CFAP210: variants seen among roughly 807,000 people sequenced by gnomAD.
CFAP210 encodes the protein cilia and flagella associated protein 210.
At chr2:169,666,397 C>T in the CFAP210 span, among the ~76,000 whole-genome samples, 1 of 150,026 alleles carries the variant, frequency 6.7e-6, no homozygotes. Context: ...ATATTGTGGG[C>T]TTGGTTCCAA....
chr2:169,666,994 T>C, the CFAP210 span, among the ~76,000 whole-genome samples: 2 of 152,150 alleles, frequency 1.3e-5, no homozygotes, highest in Non-Finnish European at 2.9e-5. Context: ...CTAGTTATCT[T>C]GCTATTGACA....
the CFAP210 span, among the ~76,000 whole-genome samples, chr2:169,687,696 C>A: frequency 1.3e-5 from 2 of 152,162 alleles, no homozygotes; most frequent in South Asian, 2.1e-4. Context: ...CTTTTCCAGG[C>A]GCATGGTGCA....
chr2:169,682,092 G>T, the CFAP210 span, among the ~76,000 whole-genome samples: 1 of 152,090 alleles, frequency 6.6e-6, no homozygotes, highest in Non-Finnish European at 1.5e-5. Flanking sequence ...TGGGTGTTCC[G>T]TTATATGAAT....
chr2:169,648,660 TTAAAA>T, the CFAP210 span, among the ~76,000 whole-genome samples: 2 of 152,166 alleles, frequency 1.3e-5, no homozygotes, highest in African/African-American at 4.8e-5. Context: ...ACTAGAATAG[TTAAAA>T]TTAAGGGATG....
the CFAP210 span, among the ~76,000 whole-genome samples, chr2:169,670,657 G>GACATA: frequency 6.6e-6 from 1 of 152,168 alleles, no homozygotes; most frequent in East Asian, 1.9e-4. Context: ...CATATTTGGT[G>GACATA]TCAGGATACC....
the CFAP210 span, among the ~76,000 whole-genome samples, chr2:169,679,237 T>C: frequency 6.6e-6 from 1 of 152,242 alleles, no homozygotes; most frequent in African/African-American, 2.4e-5. Context: ...TTCCAACTTT[T>C]ATTTTAGGTT....
the CFAP210 span, among the ~76,000 whole-genome samples, chr2:169,659,925 A>G: frequency 6.6e-6 from 1 of 152,114 alleles, no homozygotes; most frequent in East Asian, 1.9e-4. Context: ...TTGATTGTCC[A>G]ATTTATTGAC....
At chr2:169,656,996 T>TA in the CFAP210 span, among the ~76,000 whole-genome samples, 92 of 117,270 alleles carry the variant, frequency 7.8e-4, no homozygotes, top group East Asian at 0.02. Flanking sequence ...AAGAACAGAG[T>TA]AAAAAAAAAA....
chr2:169,661,368 G>C, the CFAP210 span: 1 of 408,054 alleles, frequency 2.5e-6, no homozygotes, highest in Non-Finnish European at 4.8e-6. Flanking sequence ...GGCACTGCTT[G>C]TAATTCTATC....
the CFAP210 span, chr2:169,646,185 A>G: frequency 6.3e-7 from 1 of 1,594,940 alleles, no homozygotes; most frequent in Non-Finnish European, 8.5e-7. Context: ...TTTTTGGCCT[A>G]TTTGGGAAAG....
the CFAP210 span, among the ~76,000 whole-genome samples, chr2:169,660,600 ATATATTT>A: frequency 9.6e-6 from 1 of 104,054 alleles, no homozygotes; most frequent in Admixed American, 8.8e-5. Context: ...ATATATATAT[ATATATTT>A]TTTTTTTTTT....
chr2:169,663,271 CTCT>C, the CFAP210 span, among the ~76,000 whole-genome samples: 2 of 129,012 alleles, frequency 1.6e-5, no homozygotes, highest in East Asian at 4.1e-4. Context: ...TGCCCTCTCT[CTCT>C]TTTTTTTTTT....
At chr2:169,685,112 A>G in the CFAP210 span, among the ~76,000 whole-genome samples, 62,031 of 152,072 alleles carry the variant, frequency 0.41, 12,936 homozygotes, top group Non-Finnish European at 0.44. Context: ...GTGGACACAT[A>G]TTTTTCATTA....
the CFAP210 span, chr2:169,650,324 T>G: frequency 1.8e-5 from 28 of 1,570,804 alleles, no homozygotes; most frequent in African/African-American, 2.8e-5. Flanking sequence ...AATTGAATTG[T>G]TTACCACAAT....
the CFAP210 span, chr2:169,661,416 C>T: frequency 0.017 from 6,304 of 364,584 alleles, 54 homozygotes; most frequent in Middle Eastern, 0.026. Context: ...TCCAAGCACT[C>T]TCAGCCCCTC....
the CFAP210 span, among the ~76,000 whole-genome samples, chr2:169,683,659 A>C: frequency 6.6e-6 from 1 of 152,200 alleles, no homozygotes. Flanking sequence ...TACAGTGGTA[A>C]GTGGGCCTTG....
the CFAP210 span, chr2:169,650,570 A>G: frequency 6.8e-5 from 93 of 1,376,262 alleles, no homozygotes; most frequent in African/African-American, 6.1e-4. Context: ...CACATGTCCA[A>G]TGGAGCCAAC....
chr2:169,674,998 C>T, the CFAP210 span: 102 of 1,537,842 alleles, frequency 6.6e-5, no homozygotes, highest in Admixed American at 1.1e-4. Context: ...TCTATTTCTT[C>T]ATCACGCTTC....
the CFAP210 span, among the ~76,000 whole-genome samples, chr2:169,651,090 G>A: frequency 1.3e-5 from 2 of 151,790 alleles, no homozygotes; most frequent in Non-Finnish European, 2.9e-5. Context: ...AGCCGGGCGT[G>A]GTGGCAGGCG....
Sources: allele counts gnomAD v4.1 joint callset (sites outside exome capture counted in the v4.1 genomes callset), GRCh38; gene constraint gnomAD v4.1.1; transcripts MANE v1.5; gene names NCBI Gene and HGNC (gene_info 2026-07-23, HGNC 2026-07-21).